The following FSTL5 variants were observed in gnomAD, a reference collection of about 807,000 sequenced individuals.
FSTL5 encodes follistatin like 5, also known as follistatin-related protein 5.
In FSTL5, 62 loss-of-function variants were observed where a neutral mutation model predicts 89.1. That is an observed-to-expected ratio of 0.70 (90% confidence interval 0.57 to 0.86). The LOEUF (loss-of-function observed/expected upper bound fraction) is 0.86. FSTL5 is among the 40% of genes least tolerant of loss of function. The pLI, the probability that FSTL5 is intolerant of heterozygous loss-of-function variation, is 0.00. For missense variants in FSTL5, 1,057 were observed against 1,001.6 expected (o/e 1.06, Z -0.75); for synonymous variants, 383 against 346.2 (o/e 1.11, Z -1.18).
intron 7 of FSTL5, among the ~76,000 whole-genome samples, chr4:161,609,145 A>C (rs184298099): frequency 3.9e-5 from 6 of 152,112 alleles, no homozygotes; most frequent in African/African-American, 1.4e-4. Context: ...TAGTCTCAGC[A>C]TGCAGCACAA....
chr4:161,582,160 T>C (rs1733457765), intron 8 of FSTL5, among the ~76,000 whole-genome samples: 1 of 152,240 alleles, frequency 6.6e-6, no homozygotes, highest in Admixed American at 6.5e-5. Context: ...AAAAAGACTC[T>C]TTTACAAATT....
intron 8 of FSTL5, among the ~76,000 whole-genome samples, chr4:161,577,456 GA>G (rs1578939869): frequency 1.8e-5 from 1 of 55,720 alleles, no homozygotes; most frequent in Non-Finnish European, 3.4e-5. Context: ...ATCCCTGAAA[GA>G]AGAGAAGAAA....
intron 13 of FSTL5, among the ~76,000 whole-genome samples, chr4:161,470,046 T>A (rs1733881782): frequency 6.6e-6 from 1 of 152,128 alleles, no homozygotes; most frequent in Non-Finnish European, 1.5e-5. Flanking sequence ...ATGTGGGTTG[T>A]CCTTTTACTT....
chr4:161,433,457 T>A (rs1010878068), intron 15 of FSTL5, among the ~76,000 whole-genome samples: 3 of 152,006 alleles, frequency 2.0e-5, no homozygotes, highest in Non-Finnish European at 4.4e-5. Flanking sequence ...AGCATCACAC[T>A]GAGTGGGGAA....
intron 4 of FSTL5, among the ~76,000 whole-genome samples, chr4:161,840,149 C>G (rs142604673): frequency 6.6e-6 from 1 of 151,996 alleles, no homozygotes; most frequent in Non-Finnish European, 1.5e-5. Flanking sequence ...GAGTGAAGAG[C>G]GTCACCGTGT....
At chr4:161,598,995 A>T (rs997107415) in intron 7 of FSTL5, among the ~76,000 whole-genome samples, 4 of 152,154 alleles carry the variant, frequency 2.6e-5, no homozygotes, top group African/African-American at 9.7e-5. Context: ...TACAAATTAA[A>T]CTATATCAAA....
intron 4 of FSTL5, among the ~76,000 whole-genome samples, chr4:161,870,397 T>TA (rs1732226391): frequency 6.6e-6 from 1 of 151,722 alleles, no homozygotes; most frequent in East Asian, 1.9e-4. Context: ...GGAGAGACAG[T>TA]AAAAAAAGAA....
chr4:161,542,766 G>A, intron 8 of FSTL5, 73 bp from the exon 9 acceptor site: 1 of 900,456 alleles, frequency 1.1e-6, no homozygotes, highest in Middle Eastern at 2.9e-4. Flanking sequence ...AAGAAAAATT[G>A]CAATAAGATA....
At chr4:161,616,762 A>G (rs1184821613) in intron 7 of FSTL5, among the ~76,000 whole-genome samples, 1 of 151,824 alleles carries the variant, frequency 6.6e-6, no homozygotes, top group Non-Finnish European at 1.5e-5. Flanking sequence ...AGAGCTTAAT[A>G]CATCGGTGAC....
At chr4:161,530,844 CA>C (rs2126529755) in intron 10 of FSTL5, among the ~76,000 whole-genome samples, 1 of 152,190 alleles carries the variant, frequency 6.6e-6, no homozygotes, top group South Asian at 2.1e-4. Context: ...TATTTAACTT[CA>C]TATTGAGGAT....
chr4:162,037,534 G>C (rs1265446909), intron 2 of FSTL5, among the ~76,000 whole-genome samples: 1 of 151,816 alleles, frequency 6.6e-6, no homozygotes, highest in African/African-American at 2.4e-5. Context: ...CTTAGGCTTA[G>C]TTTACCTATA....
intron 11 of FSTL5, among the ~76,000 whole-genome samples, chr4:161,505,552 T>C (rs1730449241): frequency 6.6e-6 from 1 of 152,182 alleles, no homozygotes; most frequent in South Asian, 2.1e-4. Flanking sequence ...AAAGGTGTAC[T>C]GAAAAACACT....
intron 3 of FSTL5, among the ~76,000 whole-genome samples, chr4:161,957,322 C>A (rs576297506): frequency 1.3e-5 from 2 of 152,006 alleles, no homozygotes; most frequent in African/African-American, 4.8e-5. Flanking sequence ...TAGACTCCTA[C>A]ACAAACCTTT....
chr4:161,548,288 C>G (rs752943592), intron 8 of FSTL5, among the ~76,000 whole-genome samples: 2 of 151,738 alleles, frequency 1.3e-5, no homozygotes, highest in Non-Finnish European at 2.9e-5. Context: ...TAGGTTGACA[C>G]AGATGGACAA....
chr4:161,604,680 C>T (rs901983589), intron 7 of FSTL5, among the ~76,000 whole-genome samples: 1 of 152,064 alleles, frequency 6.6e-6, no homozygotes, highest in Non-Finnish European at 1.5e-5. Context: ...ATGGGAGATG[C>T]CCTGTTGGAA....
chr4:161,698,866 C>T (rs575313545), intron 6 of FSTL5, among the ~76,000 whole-genome samples: 1 of 152,246 alleles, frequency 6.6e-6, no homozygotes, highest in East Asian at 1.9e-4. Context: ...AGGAGAATTG[C>T]TTGAACCCGG....
At chr4:161,513,272 GGAGAGAGAGAGAGAGA>G (rs6148753) in intron 10 of FSTL5, among the ~76,000 whole-genome samples, 2 of 109,976 alleles carry the variant, frequency 1.8e-5, no homozygotes, top group African/African-American at 3.5e-5. Flanking sequence ...ACAAGGAGGG[GGAGAGAGAGAGAGAGA>G]GAGAGAGAGA....
intron 4 of FSTL5, among the ~76,000 whole-genome samples, chr4:161,909,688 C>A (rs1733637292): frequency 6.6e-6 from 1 of 152,090 alleles, no homozygotes; most frequent in Admixed American, 6.6e-5. Context: ...CTACCTGCAT[C>A]CAGTCTTGTT....
intron 4 of FSTL5, among the ~76,000 whole-genome samples, chr4:161,897,715 A>G (rs1733211520): frequency 6.6e-6 from 1 of 152,138 alleles, no homozygotes; most frequent in African/African-American, 2.4e-5. Flanking sequence ...ATGAGCTGAT[A>G]ATGGCACATT....
Sources: gnomAD v4.1 joint callset for allele counts (sites outside exome capture counted in the v4.1 genomes callset) on GRCh38, gnomAD v4.1.1 for gene constraint, MANE v1.5 for transcripts, NCBI Gene and HGNC (gene_info 2026-07-23, HGNC 2026-07-21) for gene names.